Variants in CCDC141 observed in about 807,000 individuals in gnomAD.
CCDC141 encodes coiled-coil domain containing 141.
Under a neutral mutation model 181.0 loss-of-function variants are expected in CCDC141, and 168 were observed. The ratio of observed to expected loss-of-function variants is 0.93; its 90% confidence interval spans 0.82 to 1.05. The LOEUF is 1.05. Among genes scored for constraint, CCDC141 ranks in the 50% least tolerant of loss-of-function variants. CCDC141 has a pLI of 0.00. For synonymous variants in CCDC141, 666 were observed against 642.3 expected (o/e 1.04, Z -0.56); for missense variants, 1,902 against 1,788.5 (o/e 1.06, Z -1.14).
intron 17 of CCDC141, among the ~76,000 whole-genome samples, chr2:178,862,557 T>C (rs1685667809): frequency 6.6e-6 from 1 of 152,194 alleles, no homozygotes; most frequent in South Asian, 2.1e-4. Context: ...ATGAACAACT[T>C]ATTTATATAG....
chr2:178,960,565 T>G (rs968541773), intron 5 of CCDC141, among the ~76,000 whole-genome samples: 4 of 152,132 alleles, frequency 2.6e-5, no homozygotes, highest in African/African-American at 9.7e-5. Flanking sequence ...AACATCTCAC[T>G]TATTTGAGTT....
At chr2:178,904,355 C>A (rs1396240896) in intron 8 of CCDC141, among the ~76,000 whole-genome samples, 4 of 152,130 alleles carry the variant, frequency 2.6e-5, no homozygotes, top group Non-Finnish European at 5.9e-5. Context: ...GGGTTAAATA[C>A]CCCTGTCCAG....
intron 6 of CCDC141, among the ~76,000 whole-genome samples, chr2:178,920,416 G>A (rs912649040): frequency 5.3e-5 from 8 of 152,062 alleles, no homozygotes; most frequent in Non-Finnish European, 8.8e-5. Flanking sequence ...CAGATGCCTT[G>A]GGGAATATAA....
intron 23 of CCDC141, 118 bp downstream of exon 23, chr2:178,836,776 G>T: frequency 1.9e-6 from 2 of 1,068,030 alleles, no homozygotes. Flanking sequence ...ATGCAGAGTT[G>T]CAGTGTCATA....
At chr2:178,869,749 A>G (rs1383529112) in intron 14 of CCDC141, among the ~76,000 whole-genome samples, 1 of 152,228 alleles carries the variant, frequency 6.6e-6, no homozygotes, top group Non-Finnish European at 1.5e-5. Flanking sequence ...GCTCTGTGAT[A>G]AAAGAATGAT....
At chr2:178,965,050 G>A (rs1461010584) in intron 4 of CCDC141, among the ~76,000 whole-genome samples, 1 of 152,044 alleles carries the variant, frequency 6.6e-6, no homozygotes, top group Non-Finnish European at 1.5e-5. Flanking sequence ...GGTATAATAG[G>A]TATACACAAT....
intron 10 of CCDC141, among the ~76,000 whole-genome samples, chr2:178,886,057 C>CA (rs1202299890): frequency 3.3e-5 from 5 of 151,966 alleles, no homozygotes; most frequent in Non-Finnish European, 7.4e-5. Flanking sequence ...CCCAATTTAA[C>CA]AAAAAAATGG....
At chr2:178,973,312 A>G (rs1458917214) in intron 4 of CCDC141, among the ~76,000 whole-genome samples, 2 of 152,202 alleles carry the variant, frequency 1.3e-5, no homozygotes, top group Non-Finnish European at 2.9e-5. Context: ...TGCTTCAAGT[A>G]TCACACAGAA....
intron 6 of CCDC141, among the ~76,000 whole-genome samples, chr2:178,928,215 G>C (rs1185030350): frequency 1.3e-5 from 2 of 152,210 alleles, no homozygotes; most frequent in Admixed American, 1.3e-4. Context: ...CAGGGAGGTT[G>C]TGATGAGTGC....
rs576963347 is a variant in CCDC141 at position 178,905,511 on chromosome 2, A to T, written c.1093-10T>A. 1.6e-5 allele frequency: 24 copies of T among 1,538,132 alleles called. 1 individual carries two copies. The South Asian group carries it at 2.7e-4, about 17-fold the overall frequency. On this transcript the variant is annotated splice_polypyrimidine_tract_variant and intron_variant, in intron 7 of 23. Transcript: ENST00000443758. ...CAAGTACATCAAATGCCTGCCAAAG[A>T]AAACATACTTTTATTTTCTGCTTCT...
Position 178,834,029 on chromosome 2 carries a change from A to T in CCDC141, c.*144T>A. The stretch of plus-strand genomic sequence containing the variant: ...TCCAGAAAATTTGATTATTTCACCT[A>T]GCAGTGGTATTAGCCAAACAAGTAT... On this transcript the variant is annotated 3_prime_UTR_variant, in exon 24 of 24. Transcript: ENST00000443758. 1.3e-6 allele frequency: 1 copy of T among 776,288 alleles called. No homozygotes were observed. 48.1% of individuals were successfully genotyped at this position (776,288 alleles called of 1,614,324 possible).
intron 5 of CCDC141, among the ~76,000 whole-genome samples, chr2:178,949,676 A>T (rs1307387832): frequency 2.0e-5 from 3 of 152,188 alleles, no homozygotes; most frequent in Non-Finnish European, 4.4e-5. Flanking sequence ...AAAATAGTTC[A>T]TTAGAGAGGA....
intron 11 of CCDC141, among the ~76,000 whole-genome samples, chr2:178,878,789 T>C (rs368856293): frequency 6.6e-6 from 1 of 152,330 alleles, no homozygotes; most frequent in East Asian, 1.9e-4. Flanking sequence ...TGTGTTTGTA[T>C]GTTTTTCAAT....
At chr2:178,932,744 A>G (rs1470163670) in intron 6 of CCDC141, among the ~76,000 whole-genome samples, 2 of 152,102 alleles carry the variant, frequency 1.3e-5, no homozygotes, top group Non-Finnish European at 2.9e-5. Flanking sequence ...GTTTTATGTC[A>G]TTTCTATTTT....
Position 178,928,123 on chromosome 2 carries a change from C to T in CCDC141, c.898-9216G>A, listed in dbSNP as rs568774995. On this transcript the variant is annotated intron_variant, in intron 6 of 23. Coordinates refer to ENST00000443758, the MANE Select transcript of CCDC141 (RefSeq NM_173648.4). ...TCAGAATTAGGAAGAAACAGAGAAA[C>T]CGGGTGACTGAGTTTACTCACAACA... is the stretch of plus-strand genomic sequence containing the variant. 5.9e-5 allele frequency among the ~76,000 whole-genome samples: 9 copies of T among 152,210 alleles called. 1 individual carries two copies. In the South Asian group the frequency reaches 1.9e-3, roughly 32 times the overall value.
chr2:178,906,499 G>A (rs148519616), intron 7 of CCDC141, among the ~76,000 whole-genome samples: 1 of 152,320 alleles, frequency 6.6e-6, no homozygotes, highest in African/African-American at 2.4e-5. Context: ...AATGGCATGG[G>A]AGGTCTTGCC....
intron 13 of CCDC141, 24 bp from the exon 14 acceptor site, chr2:178,871,576 C>G: frequency 6.2e-7 from 1 of 1,607,442 alleles, no homozygotes; most frequent in East Asian, 2.2e-5. Context: ...TGGACAGTTA[C>G]ACATGCATTT....
At chr2:178,957,274 G>A (rs527482419) in intron 5 of CCDC141, among the ~76,000 whole-genome samples, 29 of 152,306 alleles carry the variant, frequency 1.9e-4, no homozygotes, top group Non-Finnish European at 3.5e-4. Context: ...TGTGCTACAT[G>A]TTTTGCACTT....
intron 18 of CCDC141, among the ~76,000 whole-genome samples, chr2:178,855,818 C>T (rs1685361445): frequency 6.6e-6 from 1 of 152,182 alleles, no homozygotes; most frequent in South Asian, 2.1e-4. Flanking sequence ...AAATCAAATA[C>T]TTGTCCTCAA....
Sources: gnomAD v4.1 joint callset for allele counts (sites outside exome capture counted in the v4.1 genomes callset) on GRCh38, gnomAD v4.1.1 for gene constraint, MANE v1.5 for transcripts, NCBI Gene and HGNC (gene_info 2026-07-23, HGNC 2026-07-21) for gene names.